The following MTRF1 variants were observed in gnomAD, a reference collection of about 807,000 sequenced individuals.
MTRF1 encodes the protein peptide chain release factor 1, mitochondrial.
In MTRF1, 51 loss-of-function variants were observed where a neutral mutation model predicts 62.9. That is an observed-to-expected ratio of 0.81 (90% CI 0.65 to 1.02). MTRF1 has a LOEUF of 1.02. Among genes scored for constraint, MTRF1 ranks in the 50% least tolerant of loss-of-function variants. The pLI is 0.00. For synonymous variants in MTRF1, 158 were observed against 181.9 expected (o/e 0.87, Z 1.06); for missense variants, 446 against 530.0 (o/e 0.84, Z 1.56).
At chr13:41,243,042 A>C (rs1295174100) in intron 5 of MTRF1, among the ~76,000 whole-genome samples, 1 of 152,050 alleles carries the variant, frequency 6.6e-6, no homozygotes. Flanking sequence ...AATATGATGA[A>C]ACCATGTCTC....
At chr13:41,296,458 G>C in the MTRF1 span, among the ~76,000 whole-genome samples, 1 of 152,102 alleles carries the variant, frequency 6.6e-6, no homozygotes, top group African/African-American at 2.4e-5. Flanking sequence ...ATTACTTTTT[G>C]TTGGCTTAAA....
At position 41,233,933 on chromosome 13, in the gene MTRF1, A is replaced by T; in HGVS notation, c.945T>A (p.Val315=). 6.2e-7 allele frequency: 1 copy of T among 1,614,164 alleles called. No homozygotes were observed. Among genetic ancestry groups the T allele is most frequent in the Non-Finnish European group, 8.5e-7 (1 of 1,180,004 alleles). ...GTCTGACGGCACTATCAGTTTTATTAACATGCTGCCCTCCTGCTCCTTTGG... is the reference window on the plus strand; with the variant it reads ...GTCTGACGGCACTATCAGTTTTATTTACATGCTGCCCTCCTGCTCCTTTGG... ...FRAKGAGGQH[V]NKTDSAVRLV... The change falls in exon 7 of 10, where the codon GTT becomes GTA. Residue 315 remains valine, a synonymous_variant. Coordinates refer to ENST00000379480, the MANE Select transcript of MTRF1 (RefSeq NM_004294.4).
the MTRF1 span, among the ~76,000 whole-genome samples, chr13:41,269,199 G>GTTTTTTTT: frequency 7.3e-5 from 5 of 68,716 alleles, no homozygotes; most frequent in Non-Finnish European, 1.1e-4. Context: ...TTTTTTTTTG[G>GTTTTTTTT]TTTTTTTTTT....
chr13:41,260,394 A>T, intron 2 of MTRF1, 99 bp downstream of exon 2: 1 of 1,164,328 alleles, frequency 8.6e-7, no homozygotes, highest in Non-Finnish European at 1.2e-6. Flanking sequence ...ATAAAGCTTT[A>T]ACTTAGAAAA....
chr13:41,226,376 C>T (rs2034432860), intron 8 of MTRF1, 56 bp downstream of exon 8: 2 of 1,534,758 alleles, frequency 1.3e-6, no homozygotes, highest in East Asian at 2.3e-5. Context: ...GCATTCTCTA[C>T]AGAAAATGAC....
At chr13:41,231,374 A>C (rs1410298466) in intron 7 of MTRF1, among the ~76,000 whole-genome samples, 1 of 152,236 alleles carries the variant, frequency 6.6e-6, no homozygotes, top group Non-Finnish European at 1.5e-5. Flanking sequence ...CAATCTGCAG[A>C]AGGCAGGAGG....
the MTRF1 span, among the ~76,000 whole-genome samples, chr13:41,309,393 T>G: frequency 6.6e-6 from 1 of 150,406 alleles, no homozygotes. Context: ...TTTGCCATGT[T>G]GCCCCGGCTG....
chr13:41,268,098 CTATCTA>C (rs573238537), upstream of MTRF1, among the ~76,000 whole-genome samples: 308 of 152,182 alleles, frequency 2.0e-3, 2 homozygotes, highest in African/African-American at 7.2e-3. Flanking sequence ...ATCAGAGATC[CTATCTA>C]TAAGAGCAAT....
At chr13:41,268,831 A>C in the MTRF1 span, among the ~76,000 whole-genome samples, 1 of 152,254 alleles carries the variant, frequency 6.6e-6, no homozygotes, top group African/African-American at 2.4e-5. Flanking sequence ...CTAATTATTT[A>C]GTGTATAAGT....
chr13:41,301,208 T>C, the MTRF1 span, among the ~76,000 whole-genome samples: 1 of 152,156 alleles, frequency 6.6e-6, no homozygotes, highest in Non-Finnish European at 1.5e-5. Context: ...GCGCAGGTAG[T>C]GGAATTAACT....
At chr13:41,289,756 C>A in the MTRF1 span, among the ~76,000 whole-genome samples, 1 of 152,188 alleles carries the variant, frequency 6.6e-6, no homozygotes, top group South Asian at 2.1e-4. Context: ...CACTGAAAAC[C>A]GCAAAGCCTG....
At chr13:41,294,514 T>C in the MTRF1 span, among the ~76,000 whole-genome samples, 1 of 152,054 alleles carries the variant, frequency 6.6e-6, no homozygotes, top group Admixed American at 6.6e-5. Context: ...AATTAAACAT[T>C]GTTTCAAAAT....
the MTRF1 span, among the ~76,000 whole-genome samples, chr13:41,270,944 G>A: frequency 3.3e-5 from 5 of 151,608 alleles, no homozygotes; most frequent in Admixed American, 1.3e-4. Flanking sequence ...TCACCATGTC[G>A]GCCAGGCTGG....
At chr13:41,248,864 A>G (rs1356942762) in intron 5 of MTRF1, among the ~76,000 whole-genome samples, 1 of 152,198 alleles carries the variant, frequency 6.6e-6, no homozygotes, top group African/African-American at 2.4e-5. Flanking sequence ...AGGTTTACAG[A>G]TCAATAGTGT....
the MTRF1 span, among the ~76,000 whole-genome samples, chr13:41,294,449 C>T: frequency 2.7e-5 from 4 of 147,336 alleles, no homozygotes; most frequent in South Asian, 2.1e-4. Flanking sequence ...AAGAAAGAAA[C>T]GGATAAAGTT....
chr13:41,256,611 A>AC (rs1240524306), intron 2 of MTRF1, among the ~76,000 whole-genome samples: 2 of 152,120 alleles, frequency 1.3e-5, no homozygotes, highest in Admixed American at 6.6e-5. Context: ...GGCATGAGCC[A>AC]CCGCACCCGG....
chr13:41,271,196 CAAAT>C, the MTRF1 span, among the ~76,000 whole-genome samples: 1 of 151,928 alleles, frequency 6.6e-6, no homozygotes. Context: ...TTTTAATAGA[CAAAT>C]AACAGCAGAT....
chr13:41,301,027 T>C, the MTRF1 span, among the ~76,000 whole-genome samples: 46 of 152,302 alleles, frequency 3.0e-4, no homozygotes, highest in African/African-American at 1.1e-3. Flanking sequence ...ATTTTTCTCA[T>C]AGGGTTTTCA....
chr13:41,217,621 TA>T (rs138175759), intron 9 of MTRF1, among the ~76,000 whole-genome samples: 2,091 of 149,064 alleles, frequency 0.014, 48 homozygotes, highest in African/African-American at 0.048. Flanking sequence ...TATTGTACCC[TA>T]AAAAAAAAAT....
Sources: allele counts gnomAD v4.1 joint callset (sites outside exome capture counted in the v4.1 genomes callset), GRCh38; gene constraint gnomAD v4.1.1; transcripts MANE v1.5; gene names NCBI Gene and HGNC (gene_info 2026-07-23, HGNC 2026-07-21).